Variants in COLEC12 observed in about 807,000 individuals in gnomAD.
COLEC12 encodes collectin-12.
In COLEC12, 33 loss-of-function variants were observed where a neutral mutation model predicts 71.1. That is an observed-to-expected ratio of 0.46 (90% CI 0.35 to 0.62). The LOEUF is 0.62. Ranked by LOEUF, COLEC12 falls within the 20% of genes least tolerant of loss-of-function variation. COLEC12 has a pLI of 0.00. For synonymous variants in COLEC12, 350 were observed against 353.0 expected, an observed-to-expected ratio of 0.99 and a Z score of 0.10; for missense variants, 765 against 916.1, an observed-to-expected ratio of 0.84 and a Z score of 2.13.
chr18:425,490 C>A (rs920887641), intron 2 of COLEC12, among the ~76,000 whole-genome samples: 7 of 152,160 alleles, frequency 4.6e-5, no homozygotes, highest in African/African-American at 1.7e-4. Context: ...TTTTCCTTCC[C>A]AATTCCTGCA....
chr18:440,894 T>TG lies in COLEC12; in HGVS notation c.58+39812dup, dbSNP rs1916506538. Among the ~76,000 whole-genome samples the TG allele has an allele frequency of 2.0e-5, 3 of 152,102 alleles. No individual in the cohort carries two copies. The South Asian group carries it at 6.2e-4, about 32-fold the overall frequency. ...CAAATACTCACAATAACAGATGATT[T>TG]GGGGAAATGTCATGTTAGACGGAGA... On this transcript the variant is annotated intron_variant, in intron 2 of 9. Transcript: ENST00000400256.
intron 1 of COLEC12, among the ~76,000 whole-genome samples, chr18:487,873 T>C (rs1219993122): frequency 6.6e-6 from 1 of 152,168 alleles, no homozygotes; most frequent in Non-Finnish European, 1.5e-5. Context: ...CACAAAAGTT[T>C]CCAATTGACC....
intron 2 of COLEC12, among the ~76,000 whole-genome samples, chr18:379,003 G>A (rs370802999): frequency 5.3e-5 from 8 of 152,220 alleles, no homozygotes; most frequent in African/African-American, 1.9e-4. Flanking sequence ...CGGTGGAAAT[G>A]CACAGGGTGG....
intron 2 of COLEC12, among the ~76,000 whole-genome samples, chr18:442,909 C>G (rs1036352830): frequency 6.6e-6 from 1 of 152,198 alleles, no homozygotes; most frequent in South Asian, 2.1e-4. Context: ...TGCAGTGAGC[C>G]GAGATCCCGC....
intron 5 of COLEC12, among the ~76,000 whole-genome samples, chr18:338,984 A>ATTTTTTTTTTTTTTT (rs33991062): frequency 6.9e-6 from 1 of 144,490 alleles, no homozygotes; most frequent in Non-Finnish European, 1.5e-5. Flanking sequence ...TATTGTCTTA[A>ATTTTTTTTTTTTTTT]TTTTTTTTTT....
chr18:436,226 C>T (rs956194099), intron 2 of COLEC12, among the ~76,000 whole-genome samples: 3 of 152,102 alleles, frequency 2.0e-5, no homozygotes, highest in South Asian at 2.1e-4. Flanking sequence ...AAGGGCAAAG[C>T]GGGGCCAGGC....
chr18:492,042 C>T (rs1399517794), intron 1 of COLEC12, among the ~76,000 whole-genome samples: 2 of 152,142 alleles, frequency 1.3e-5, no homozygotes, highest in African/African-American at 4.8e-5. Context: ...TTAGATCGGC[C>T]TTCCATTCAA....
intron 2 of COLEC12, among the ~76,000 whole-genome samples, chr18:397,530 C>A (rs2041639109): frequency 6.6e-6 from 1 of 152,160 alleles, no homozygotes; most frequent in Admixed American, 6.5e-5. Context: ...AGCTGCTTGG[C>A]ACATCAGATC....
chr18:369,830 G>A lies in COLEC12; in HGVS notation c.59-12308C>T, dbSNP rs553441450. Among the ~76,000 whole-genome samples, 3 of 152,228 alleles carry A rather than the reference G, an allele frequency of 2.0e-5. No homozygotes were observed. In the South Asian group the frequency reaches 6.2e-4, roughly 32 times the overall value. ...GCACTTCCTTCTCACGTGGAAATGAGGTGGCATAGCAAAGTCAAGATGTGG... is the reference window on the plus strand; with the variant it reads ...GCACTTCCTTCTCACGTGGAAATGAAGTGGCATAGCAAAGTCAAGATGTGG... On this transcript the variant is annotated intron_variant, in intron 2 of 9. Coordinates refer to ENST00000400256, the MANE Select transcript of COLEC12 (RefSeq NM_130386.3).
rs547176847 is a variant in COLEC12, at chr18:480,076, C to G, written c.58+631G>C. Among the ~76,000 whole-genome samples, 1 of 152,342 alleles carries G rather than the reference C, an allele frequency of 6.6e-6. No homozygotes were observed. Among genetic ancestry groups the G allele is most frequent in the Admixed American group, 6.5e-5 (1 of 15,306 alleles). On this transcript the variant is annotated intron_variant, in intron 2 of 9. Coordinates refer to ENST00000400256, the MANE Select transcript of COLEC12 (RefSeq NM_130386.3). The surrounding 1 kb of genome is among the most constrained non-coding windows in gnomAD (Gnocchi z 4.1). ...TCTCTGCAGTCACATCTCCCTCTGC[C>G]TCTCTCTTACAAGGACGCTTGTGAT...
intron 2 of COLEC12, among the ~76,000 whole-genome samples, chr18:446,224 T>A (rs1041582843): frequency 2.0e-5 from 3 of 150,826 alleles, no homozygotes; most frequent in Non-Finnish European, 3.0e-5. Flanking sequence ...TATGTGGATA[T>A]GTTTTAATTT....
Position 404,249 on chromosome 18 carries a change from A to G in COLEC12, c.59-46727T>C, listed in dbSNP as rs76141191. Among the ~76,000 whole-genome samples, 1,042 of 152,286 alleles carry G rather than the reference A, an allele frequency of 6.8e-3. 68 individuals carry two copies. In the East Asian group the frequency reaches 0.15, roughly 22 times the overall value. The stretch of plus-strand genomic sequence containing the variant: ...TAGCAATTGTTTTTCAAAGTTTGGG[A>G]AAATGTGGTTTAAAAAAAAAGCAAA... On this transcript the variant is annotated intron_variant, in intron 2 of 9. Transcript: ENST00000400256.
At chr18:366,236 G>A (rs184481679) in intron 2 of COLEC12, among the ~76,000 whole-genome samples, 26 of 152,312 alleles carry the variant, frequency 1.7e-4, no homozygotes, top group African/African-American at 6.0e-4. Flanking sequence ...AGCGGGGGAC[G>A]TAGATGTCAA....
chr18:484,814 C>A (rs755714441), intron 1 of COLEC12, among the ~76,000 whole-genome samples: 1 of 152,180 alleles, frequency 6.6e-6, no homozygotes, highest in Non-Finnish European at 1.5e-5. Context: ...ACAGTTTACT[C>A]GCTTAGGTGT....
At chr18:341,371 A>C (rs1598331149) in intron 5 of COLEC12, among the ~76,000 whole-genome samples, 2 of 152,342 alleles carry the variant, frequency 1.3e-5, no homozygotes, top group South Asian at 4.1e-4. Context: ...GAGTTGTAAC[A>C]ATGAAAGCTG....
intron 2 of COLEC12, among the ~76,000 whole-genome samples, chr18:448,884 C>A (rs1264148787): frequency 6.6e-6 from 1 of 152,092 alleles, no homozygotes; most frequent in African/African-American, 2.4e-5. Context: ...ATTCTAGTTT[C>A]TTTTAAAAAG....
At chr18:385,681 C>T (rs1345580705) in intron 2 of COLEC12, among the ~76,000 whole-genome samples, 7 of 152,194 alleles carry the variant, frequency 4.6e-5, no homozygotes, top group South Asian at 2.1e-4. Flanking sequence ...TAATTATTTC[C>T]GTTTTTTCAA....
chr18:441,822 C>A (rs1341012398), intron 2 of COLEC12, among the ~76,000 whole-genome samples: 1 of 150,878 alleles, frequency 6.6e-6, no homozygotes, highest in East Asian at 1.9e-4. Flanking sequence ...CATGGCAAAA[C>A]CCTGCCTCTA....
At chr18:432,863 A>G (rs1354763933) in intron 2 of COLEC12, among the ~76,000 whole-genome samples, 2 of 152,134 alleles carry the variant, frequency 1.3e-5, no homozygotes, top group African/African-American at 4.8e-5. Context: ...GTATTTATGT[A>G]TTTCTTAGCC....
Sources: allele counts gnomAD v4.1 joint callset (sites outside exome capture counted in the v4.1 genomes callset), GRCh38; gene constraint gnomAD v4.1.1; non-coding constraint Gnocchi (gnomAD v3.1); transcripts MANE v1.5; gene names NCBI Gene and HGNC (gene_info 2026-07-23, HGNC 2026-07-21).